Variants in SSBP3 observed in about 807,000 individuals in gnomAD.
SSBP3 encodes single stranded DNA binding protein 3, also known as single-stranded DNA-binding protein 3.
Under a neutral mutation model 69.6 loss-of-function variants are expected in SSBP3, and 5 were observed. That is an observed-to-expected ratio of 0.07 (90% CI 0.04 to 0.15). The LOEUF is 0.15. SSBP3 is among the 10% of genes least tolerant of loss of function. The pLI, the probability that SSBP3 is intolerant of heterozygous loss-of-function variation, is 1.00. For synonymous variants in SSBP3, 196 were observed against 193.4 expected, an observed-to-expected ratio of 1.01 and a Z score of -0.11; for missense variants, 312 against 534.0, an observed-to-expected ratio of 0.58 and a Z score of 4.10.
intron 1 of SSBP3, 149 bp downstream of exon 1, chr1:54,405,804 G>A: frequency 5.7e-6 from 2 of 349,318 alleles, no homozygotes; most frequent in South Asian, 2.3e-4. Context: ...CCGCGGCCTC[G>A]GGGAAGGGGC....
At chr1:54,410,646 G>C (rs770199439), upstream of SSBP3, among the ~76,000 whole-genome samples, 2 of 152,312 alleles carry the variant, frequency 1.3e-5, no homozygotes, top group Admixed American at 1.3e-4. Context: ...GCCTCCACAG[G>C]GGGAATACAA....
At chr1:54,238,611 A>G in intron 14 of SSBP3, 2 of 331,476 alleles carry the variant, frequency 6.0e-6, no homozygotes, top group East Asian at 8.1e-5. Context: ...GAGCTGCAAC[A>G]TCACCCAAGG....
chr1:54,256,070 C>T (rs1046633292), intron 7 of SSBP3, among the ~76,000 whole-genome samples: 14 of 150,566 alleles, frequency 9.3e-5, no homozygotes, highest in African/African-American at 3.0e-4. Flanking sequence ...AGCGAGACTC[C>T]GGTTAAAAAA....
At chr1:54,232,937 C>A (rs6676841) in intron 14 of SSBP3, among the ~76,000 whole-genome samples, 6,391 of 151,914 alleles carry the variant, frequency 0.042, 443 homozygotes, top group African/African-American at 0.15. Flanking sequence ...GCTACAACCT[C>A]CACCTCCCAG....
intron 4 of SSBP3, among the ~76,000 whole-genome samples, chr1:54,294,809 T>C (rs942870102): frequency 1.3e-5 from 2 of 152,072 alleles, no homozygotes; most frequent in African/African-American, 2.4e-5. Flanking sequence ...CACTTTCCCA[T>C]AGGCTTTGGC....
chr1:54,262,590 G>T (rs1269363917), intron 5 of SSBP3, among the ~76,000 whole-genome samples: 2 of 152,210 alleles, frequency 1.3e-5, no homozygotes. Context: ...CGATTACACA[G>T]AGAGAAATAA....
At chr1:54,267,734 T>G (rs1436319618) in intron 5 of SSBP3, among the ~76,000 whole-genome samples, 1 of 152,130 alleles carries the variant, frequency 6.6e-6, no homozygotes, top group Non-Finnish European at 1.5e-5. Context: ...GGCAATACGA[T>G]CTGTATCGTG....
Position 54,280,129 on chromosome 1 carries a change from T to C in SSBP3, c.366+1309A>G, listed in dbSNP as rs2100871268. Reference sequence around the variant, plus strand: ...CCACCATCATGTGACCTACCACTTCTGTTTTTGGGGAACACCTGAATTTCA... The same window carrying C: ...CCACCATCATGTGACCTACCACTTCCGTTTTTGGGGAACACCTGAATTTCA... On this transcript the variant is annotated intron_variant, in intron 5 of 17. Coordinates refer to ENST00000610401, the Ensembl canonical transcript of SSBP3. Among the ~76,000 whole-genome samples, 3 of 152,372 alleles carry C rather than the reference T, an allele frequency of 2.0e-5. No homozygotes were observed. In the South Asian group the frequency reaches 6.2e-4, roughly 32 times the overall value.
chr1:54,315,600 T>TAA (rs552733178), intron 4 of SSBP3, among the ~76,000 whole-genome samples: 22 of 136,252 alleles, frequency 1.6e-4, no homozygotes, highest in African/African-American at 4.6e-4. Context: ...TTTTTTAATT[T>TAA]AAAAAAAAAA....
At chr1:54,289,730 C>T (rs1478805544) in intron 4 of SSBP3, among the ~76,000 whole-genome samples, 2 of 152,082 alleles carry the variant, frequency 1.3e-5, no homozygotes, top group Non-Finnish European at 2.9e-5. Context: ...TTTTAACCCT[C>T]CCTGGGCACA....
intron 5 of SSBP3, among the ~76,000 whole-genome samples, chr1:54,264,353 T>C (rs1340453967): frequency 1.3e-5 from 2 of 152,196 alleles, no homozygotes; most frequent in Non-Finnish European, 1.5e-5. Context: ...TACACCGATT[T>C]TTTAAAGGAG....
intron 2 of SSBP3, 46 bp downstream of exon 2, chr1:54,404,808 TGGGG>T: frequency 5.4e-5 from 34 of 631,294 alleles, no homozygotes; most frequent in Non-Finnish European, 7.7e-5. Flanking sequence ...CTAAGAATAG[TGGGG>T]GGGGGGGGTG....
chr1:54,407,825 C>T (rs1390302020), upstream of SSBP3, among the ~76,000 whole-genome samples: 1 of 149,260 alleles, frequency 6.7e-6, no homozygotes, highest in East Asian at 2.0e-4. Flanking sequence ...CCTAACATGC[C>T]TCGCACCAAA....
At chr1:54,410,504 G>A (rs12738472), upstream of SSBP3, among the ~76,000 whole-genome samples, 69,636 of 152,082 alleles carry the variant, frequency 0.46, 17,697 homozygotes, top group Admixed American at 0.58. Flanking sequence ...GGCTGTTTCA[G>A]TGGAAGCTGA....
At chr1:54,336,092 C>A (rs1305013837) in intron 4 of SSBP3, among the ~76,000 whole-genome samples, 1 of 152,222 alleles carries the variant, frequency 6.6e-6, no homozygotes, top group East Asian at 1.9e-4. Context: ...ATAAACAGAA[C>A]CATCTCTAAA....
intron 5 of SSBP3, among the ~76,000 whole-genome samples, chr1:54,278,998 T>C (rs193264163): frequency 6.6e-6 from 1 of 152,332 alleles, no homozygotes; most frequent in East Asian, 1.9e-4. Flanking sequence ...CCCTTGGCAG[T>C]GTCCCAGCCT....
At chr1:54,357,727 C>A (rs1646890901) in intron 4 of SSBP3, among the ~76,000 whole-genome samples, 1 of 152,242 alleles carries the variant, frequency 6.6e-6, no homozygotes, top group Non-Finnish European at 1.5e-5. Context: ...CATAGCAAGA[C>A]CTTTTCTCTC....
At chr1:54,327,098 G>A (rs1646318905) in intron 4 of SSBP3, among the ~76,000 whole-genome samples, 1 of 151,956 alleles carries the variant, frequency 6.6e-6, no homozygotes, top group Admixed American at 6.6e-5. Context: ...CTCATCTTGG[G>A]CCCAGCCTCT....
rs1644838374 is a variant in SSBP3 at position 54,251,972 on chromosome 1, T to C, written c.508-112A>G. The C allele has an allele frequency of 6.8e-6, 6 of 887,944 alleles. No individual in the cohort carries two copies. The East Asian group carries it at 7.9e-5, about 12-fold the overall frequency. The allele number at this position is 887,944 out of a possible 1,614,324, so 55.0% of individuals were successfully genotyped here. A position where few individuals can be genotyped will look rare whatever the true frequency, so the allele number is the denominator to read the frequency against. On this transcript the variant is annotated intron_variant, in intron 7 of 17. Transcript: ENST00000610401. ...CCGTGTGATCACGTGGAGCCACTCA[T>C]GGCCTCCCTGAGACTTCTGCTGCCT...
Sources: allele counts gnomAD v4.1 joint callset (sites outside exome capture counted in the v4.1 genomes callset), GRCh38; gene constraint gnomAD v4.1.1; transcripts MANE v1.5; gene names NCBI Gene and HGNC (gene_info 2026-07-23, HGNC 2026-07-21).